Variants in BANK1 observed in about 807,000 individuals in gnomAD.
BANK1 encodes the protein B cell scaffold protein with ankyrin repeats 1, also known as B-cell scaffold protein with ankyrin repeats.
BANK1 carries 95 observed loss-of-function variants against 94.5 expected under a neutral mutation model. That is an observed-to-expected ratio of 1.00 (90% confidence interval 0.85 to 1.19). The LOEUF (loss-of-function observed/expected upper bound fraction) is 1.19. Among genes scored for constraint, BANK1 ranks in the 50% most tolerant of loss-of-function variants. The pLI is 0.00. For synonymous variants in BANK1, 334 were observed against 308.4 expected (o/e 1.08, Z -0.87); for missense variants, 987 against 932.2 (o/e 1.06, Z -0.77).
At chr4:101,887,580 AATTATT>A (rs986468734) in intron 5 of BANK1, among the ~76,000 whole-genome samples, 9 of 152,192 alleles carry the variant, frequency 5.9e-5, no homozygotes, top group African/African-American at 2.2e-4. Context: ...TCTGTCAGTT[AATTATT>A]ATTGAGATTC....
At chr4:101,947,299 A>ATC (rs1723964958) in intron 7 of BANK1, among the ~76,000 whole-genome samples, 1 of 130,530 alleles carries the variant, frequency 7.7e-6, no homozygotes, top group Non-Finnish European at 1.7e-5. Flanking sequence ...ATATATATAT[A>ATC]TATATATATA....
At chr4:101,823,404 T>A (rs1455480760) in intron 1 of BANK1, among the ~76,000 whole-genome samples, 1 of 152,202 alleles carries the variant, frequency 6.6e-6, no homozygotes, top group Non-Finnish European at 1.5e-5. Context: ...TTTGAGAAAC[T>A]TTTGAGTATG....
At chr4:101,794,098 AG>A (rs1252339124) in intron 1 of BANK1, among the ~76,000 whole-genome samples, 3 of 152,160 alleles carry the variant, frequency 2.0e-5, no homozygotes, top group Non-Finnish European at 4.4e-5. Flanking sequence ...AGAAGAACTA[AG>A]GATAGGTTGA....
intron 13 of BANK1, among the ~76,000 whole-genome samples, chr4:102,065,917 G>A (rs1214110883): frequency 1.3e-5 from 2 of 151,912 alleles, no homozygotes; most frequent in African/African-American, 2.4e-5. Context: ...GAGTCCCAGC[G>A]ACATTTAGGA....
intron 7 of BANK1, among the ~76,000 whole-genome samples, chr4:102,016,459 G>A (rs1439096286): frequency 1.3e-5 from 2 of 152,058 alleles, no homozygotes; most frequent in Non-Finnish European, 2.9e-5. Context: ...CAAATCTGAA[G>A]CAAAATTGTC....
intron 7 of BANK1, among the ~76,000 whole-genome samples, chr4:101,919,606 C>A (rs1033849672): frequency 6.6e-6 from 1 of 151,966 alleles, no homozygotes; most frequent in Non-Finnish European, 1.5e-5. Flanking sequence ...AGGTGACAAT[C>A]ACTTTTTCGT....
chr4:102,010,608 G>C (rs1464177064), intron 7 of BANK1, among the ~76,000 whole-genome samples: 1 of 151,900 alleles, frequency 6.6e-6, no homozygotes, highest in African/African-American at 2.4e-5. Context: ...GGCCAGGCTG[G>C]TCTCGAACTC....
chr4:101,959,666 G>A (rs1483390211), intron 7 of BANK1, among the ~76,000 whole-genome samples: 1 of 152,172 alleles, frequency 6.6e-6, no homozygotes, highest in African/African-American at 2.4e-5. Flanking sequence ...AATTGGAAAG[G>A]CAGTCTTACT....
At chr4:101,914,659 C>T (rs1722772792) in intron 6 of BANK1, among the ~76,000 whole-genome samples, 1 of 152,058 alleles carries the variant, frequency 6.6e-6, no homozygotes, top group African/African-American at 2.4e-5. Context: ...CATAACCTTG[C>T]TTTATGTGTG....
intron 4 of BANK1, among the ~76,000 whole-genome samples, chr4:101,867,231 A>G (rs962731452): frequency 1.3e-5 from 2 of 151,870 alleles, no homozygotes; most frequent in Non-Finnish European, 2.9e-5. Context: ...AAACCACACA[A>G]GCAAGAAAAT....
In BANK1 at chr4:101,962,905, T is replaced by A. The variant is rs544564165; in HGVS notation, c.1206+44716T>A. On this transcript the variant is annotated intron_variant, in intron 7 of 16. Coordinates refer to ENST00000322953, the MANE Select transcript of BANK1 (RefSeq NM_017935.5). Reference sequence around the variant, plus strand: ...TTAGGTCATCATTGATATATGTATTTGAAATTGCTGCATCTAAAGCTATTA... The same window carrying A: ...TTAGGTCATCATTGATATATGTATTAGAAATTGCTGCATCTAAAGCTATTA... Among the ~76,000 whole-genome samples the A allele has an allele frequency of 2.6e-5, 4 of 152,256 alleles. No homozygotes were observed. In the South Asian group the frequency reaches 8.3e-4, roughly 32 times the overall value.
intron 11 of BANK1, among the ~76,000 whole-genome samples, chr4:102,053,893 A>AT (rs1312327804): frequency 6.6e-6 from 1 of 151,868 alleles, no homozygotes; most frequent in Non-Finnish European, 1.5e-5. Flanking sequence ...ATAAAAAAAG[A>AT]TAAAAAATCT....
intron 10 of BANK1, among the ~76,000 whole-genome samples, chr4:102,034,103 T>C (rs1727417387): frequency 6.6e-6 from 1 of 152,080 alleles, no homozygotes; most frequent in Admixed American, 6.5e-5. Flanking sequence ...AACCATTCAC[T>C]CAATTAGAAG....
chr4:101,907,995 G>C (rs974078707), intron 6 of BANK1, among the ~76,000 whole-genome samples: 3 of 152,138 alleles, frequency 2.0e-5, no homozygotes, highest in African/African-American at 4.8e-5. Context: ...GTAATTTATA[G>C]ATTCAATGCC....
intron 5 of BANK1, among the ~76,000 whole-genome samples, chr4:101,875,276 C>A (rs1388457818): frequency 6.6e-6 from 1 of 151,988 alleles, no homozygotes; most frequent in African/African-American, 2.4e-5. Context: ...CCTGAGCTGC[C>A]CTATTATAAC....
At chr4:101,917,921 T>G in intron 6 of BANK1, 72 bp from the exon 7 acceptor site, 1 of 1,081,924 alleles carries the variant, frequency 9.2e-7, no homozygotes, top group Non-Finnish European at 1.3e-6. Flanking sequence ...TAGGAGCAGA[T>G]TGTGTTAGAC....
At chr4:101,850,273 G>A (rs949248943) in intron 2 of BANK1, among the ~76,000 whole-genome samples, 2 of 151,810 alleles carry the variant, frequency 1.3e-5, no homozygotes, top group African/African-American at 4.8e-5. Context: ...TTGTTTGGTT[G>A]GTTGGTTTGT....
chr4:102,039,236 G>A (rs1176328849), intron 10 of BANK1, among the ~76,000 whole-genome samples: 2 of 152,072 alleles, frequency 1.3e-5, no homozygotes, highest in African/African-American at 4.8e-5. Flanking sequence ...AAATGTAATG[G>A]CCTGTATTTG....
rs1197624086 is a variant in BANK1 at position 101,986,897 on chromosome 4, GTGTA to G, written c.1207-34615_1207-34612del. 1.6e-3 allele frequency among the ~76,000 whole-genome samples: 91 copies of G among 58,028 alleles called. 9 individuals carry two copies. The highest frequency in any genetic ancestry group is 4.2e-3 in the African/African-American group (45 of 10,590). The allele number at this position is 58,028 out of a possible 152,430, so 38.1% of individuals were successfully genotyped here. On this transcript the variant is annotated intron_variant, in intron 7 of 16. Transcript: ENST00000322953. ...TATGTGTGTGTGTGTGTGTGTGTGT[GTGTA>G]TATATATATATATATATATATATAT...
Sources: allele counts gnomAD v4.1 joint callset (sites outside exome capture counted in the v4.1 genomes callset), GRCh38; gene constraint gnomAD v4.1.1; transcripts MANE v1.5; gene names NCBI Gene and HGNC (gene_info 2026-07-23, HGNC 2026-07-21).